GLIS3: variants seen among roughly 807,000 people sequenced by gnomAD.
The protein encoded by GLIS3 is zinc finger protein GLIS3.
A neutral mutation model predicts 78.6 loss-of-function variants in GLIS3; 53 were observed. The observed-to-expected ratio is 0.67, with a 90% CI of 0.54 to 0.85. The LOEUF (loss-of-function observed/expected upper bound fraction) is 0.85. Among genes scored for constraint, GLIS3 ranks in the 40% least tolerant of loss-of-function variants. The pLI is 0.00. For missense variants in GLIS3, 1,703 were observed against 1,231.1 expected (o/e 1.38, Z -5.74); for synonymous variants, 684 against 509.9 (o/e 1.34, Z -4.60).
In GLIS3 at chr9:3,925,602, C is replaced by A. The variant is rs182731937; in HGVS notation, c.1983+6758G>T. Among the ~76,000 whole-genome samples the A allele has an allele frequency of 1.9e-3, 272 of 145,826 alleles. 3 individuals are homozygous for A. The highest frequency in any genetic ancestry group is 6.5e-3 in the African/African-American group (265 of 40,988). ...TACATGGTCAGTGTGTGTGCGTGTG[C>A]GCGCGTGTGTGTGTGTGTGCGCGCG... is the stretch of plus-strand genomic sequence containing the variant. On this transcript the variant is annotated intron_variant, in intron 6 of 10. Coordinates refer to ENST00000381971, the MANE Select transcript of GLIS3 (RefSeq NM_001042413.2).
chr9:3,992,185 G>A (rs1588409294), intron 4 of GLIS3, among the ~76,000 whole-genome samples: 1 of 152,322 alleles, frequency 6.6e-6, no homozygotes, highest in Non-Finnish European at 1.5e-5. Flanking sequence ...AGGACAAGGA[G>A]TAGTGGCATT....
intron 4 of GLIS3, among the ~76,000 whole-genome samples, chr9:4,062,148 T>G (rs2130569023): frequency 6.6e-6 from 1 of 152,368 alleles, no homozygotes; most frequent in Non-Finnish European, 1.5e-5. Context: ...TAAAGGACTG[T>G]GCGTTCTTTG....
intron 4 of GLIS3, among the ~76,000 whole-genome samples, chr9:4,092,522 A>C (rs1409000017): frequency 2.0e-5 from 3 of 152,178 alleles, no homozygotes; most frequent in Non-Finnish European, 4.4e-5. Flanking sequence ...TTATTGCATA[A>C]GCTTTTAAAA....
chr9:4,142,460 G>A (rs1476771069), intron 2 of GLIS3, among the ~76,000 whole-genome samples: 1 of 152,150 alleles, frequency 6.6e-6, no homozygotes, highest in Non-Finnish European at 1.5e-5. Context: ...TTAGCTTGGG[G>A]GTTAGAGTGC....
At chr9:4,015,775 G>C (rs1822380677) in intron 4 of GLIS3, among the ~76,000 whole-genome samples, 1 of 151,164 alleles carries the variant, frequency 6.6e-6, no homozygotes, top group Non-Finnish European at 1.5e-5. Flanking sequence ...TGTAATCCCA[G>C]CTACTTGGGA....
rs73641299 is a variant in GLIS3 at position 4,058,019 on chromosome 9, G to C, written c.1710+59749C>G. Among the ~76,000 whole-genome samples the C allele has an allele frequency of 5.4e-3, 817 of 152,210 alleles. 8 individuals are homozygous for C. The highest frequency in any genetic ancestry group is 0.019 in the African/African-American group (789 of 41,524). ...TCAAACATTTTCTTCCAGCACACCT[G>C]GTCTTTTGAATGAGTGACCTCTCCA... On this transcript the variant is annotated intron_variant, in intron 4 of 10. Transcript: ENST00000381971.
intron 2 of GLIS3, among the ~76,000 whole-genome samples, chr9:4,168,607 A>G (rs1816093980): frequency 1.3e-5 from 2 of 152,252 alleles, no homozygotes; most frequent in Non-Finnish European, 2.9e-5. Flanking sequence ...TACTCATATT[A>G]TTAAGTAATA....
intron 1 of GLIS3, among the ~76,000 whole-genome samples, chr9:4,298,872 A>G (rs1419702251): frequency 6.6e-6 from 1 of 152,120 alleles, no homozygotes; most frequent in African/African-American, 2.4e-5. Context: ...CTTGGATGAG[A>G]CACAGGCGTG....
the GLIS3 span, among the ~76,000 whole-genome samples, chr9:4,469,816 A>C: frequency 3.9e-5 from 6 of 152,222 alleles, no homozygotes; most frequent in Non-Finnish European, 4.4e-5. Flanking sequence ...AGAGACACAA[A>C]ATCCCTTCAA....
intron 2 of GLIS3, among the ~76,000 whole-genome samples, chr9:4,155,910 G>T (rs1309251518): frequency 6.6e-6 from 1 of 152,072 alleles, no homozygotes; most frequent in East Asian, 1.9e-4. Context: ...AAGATCATAG[G>T]AACACCTAAG....
At chr9:4,046,213 G>C (rs143089074) in intron 4 of GLIS3, among the ~76,000 whole-genome samples, 1 of 152,168 alleles carries the variant, frequency 6.6e-6, no homozygotes. Flanking sequence ...CACCTTAAGA[G>C]AGGATTCTAG....
At chr9:4,216,806 G>A (rs1437958819) in intron 2 of GLIS3, among the ~76,000 whole-genome samples, 1 of 152,142 alleles carries the variant, frequency 6.6e-6, no homozygotes, top group Non-Finnish European at 1.5e-5. Flanking sequence ...ACAGGATGTG[G>A]GGGAGGGGCT....
intron 4 of GLIS3, among the ~76,000 whole-genome samples, chr9:3,973,616 T>C (rs1818552199): frequency 6.6e-6 from 1 of 152,232 alleles, no homozygotes; most frequent in Non-Finnish European, 1.5e-5. Flanking sequence ...TCCTAGCCTA[T>C]TCCTAACTAT....
chr9:3,824,478 T>A lies in GLIS3; in HGVS notation c.*3794A>T, dbSNP rs1364003987. On this transcript the variant is annotated 3_prime_UTR_variant, in exon 11 of 11. Coordinates refer to ENST00000381971, the MANE Select transcript of GLIS3 (RefSeq NM_001042413.2). The stretch of plus-strand genomic sequence containing the variant: ...GGATTTTAGGCAGGAGGGCGTCTTC[T>A]CTATTTCCAGTTTTATTCTGTACCA... The A allele has an allele frequency of 6.6e-6, 1 of 152,314 alleles. No individual in the cohort carries two copies. The highest frequency in any genetic ancestry group is 1.5e-5 in the Non-Finnish European group (1 of 68,044). The allele number at this position is 152,314 out of a possible 1,614,324, so 9.4% of individuals were successfully genotyped here. A position where few individuals can be genotyped will look rare whatever the true frequency, so the allele number is the denominator to read the frequency against.
chr9:4,172,802 T>C (rs944902344), intron 2 of GLIS3, among the ~76,000 whole-genome samples: 4 of 152,166 alleles, frequency 2.6e-5, no homozygotes, highest in Admixed American at 6.5e-5. Context: ...TGCAAGCTCC[T>C]TGCAAGCAAG....
At chr9:4,420,375 C>T in the GLIS3 span, among the ~76,000 whole-genome samples, 1 of 152,098 alleles carries the variant, frequency 6.6e-6, no homozygotes, top group Admixed American at 6.5e-5. Context: ...CATGTATATC[C>T]CACTAACCTA....
intron 5 of GLIS3, among the ~76,000 whole-genome samples, chr9:3,935,160 A>G (rs1825821596): frequency 6.6e-6 from 1 of 152,172 alleles, no homozygotes; most frequent in Non-Finnish European, 1.5e-5. Flanking sequence ...ACAAGGACCT[A>G]AATTTAAATA....
the GLIS3 span, among the ~76,000 whole-genome samples, chr9:4,366,491 G>T: frequency 1.3e-5 from 2 of 152,136 alleles, no homozygotes; most frequent in African/African-American, 4.8e-5. Flanking sequence ...ACAGCTTGGG[G>T]GTCATAAAGA....
rs184179259 is a variant in GLIS3, at chr9:4,006,080, G to A, written c.1711-68891C>T. Among the ~76,000 whole-genome samples the A allele has an allele frequency of 3.4e-4, 51 of 152,154 alleles. 1 individual carries two copies. The East Asian group carries it at 7.3e-3, about 22-fold the overall frequency. ...CATAGCTATTATGGGAAGGAAACAC[G>A]CAAACCACCTTCCTCTCTCCTCTGC... On this transcript the variant is annotated intron_variant, in intron 4 of 10. Coordinates refer to ENST00000381971, the MANE Select transcript of GLIS3 (RefSeq NM_001042413.2).
Sources: gnomAD v4.1 joint callset for allele counts (sites outside exome capture counted in the v4.1 genomes callset) on GRCh38, gnomAD v4.1.1 for gene constraint, MANE v1.5 for transcripts, NCBI Gene and HGNC (gene_info 2026-07-23, HGNC 2026-07-21) for gene names.